ABL1: variants seen among roughly 807,000 people sequenced by gnomAD.
ABL1 encodes tyrosine-protein kinase ABL1.
In ABL1, 11 loss-of-function variants were observed where a neutral mutation model predicts 94.7. The observed-to-expected ratio is 0.12, with a 90% confidence interval of 0.07 to 0.19. The LOEUF (loss-of-function observed/expected upper bound fraction) is 0.19. Ranked by LOEUF, ABL1 falls within the 10% of genes least tolerant of loss-of-function variation. The pLI, the probability that ABL1 is intolerant of heterozygous loss-of-function variation, is 1.00. For missense variants in ABL1, 1,082 were observed against 1,489.4 expected (o/e 0.73, Z 4.50); for synonymous variants, 656 against 622.4 (o/e 1.05, Z -0.80).
intron 4 of ABL1, among the ~76,000 whole-genome samples, chr9:130,868,529 T>C (rs1282942326): frequency 5.1e-5 from 7 of 136,872 alleles, no homozygotes; most frequent in East Asian, 2.0e-4. Context: ...TCTTTTTTTT[T>C]TTTTTTTTTT....
chr9:130,868,812 C>T (rs1484715976), intron 4 of ABL1, among the ~76,000 whole-genome samples: 2 of 152,018 alleles, frequency 1.3e-5, no homozygotes, highest in Admixed American at 6.6e-5. Context: ...AAACAGTGTT[C>T]TTTTTCATGC....
At chr9:130,715,278 GT>G (rs1831423316) in intron 1 of ABL1, among the ~76,000 whole-genome samples, 1 of 152,184 alleles carries the variant, frequency 6.6e-6, no homozygotes, top group Non-Finnish European at 1.5e-5. Flanking sequence ...TAGGGTTACT[GT>G]TTGTACTGTT....
At position 130,872,403 on chromosome 9, in the gene ABL1, A is replaced by G. The variant is rs1385021768; in HGVS notation, c.907+190A>G. 2.6e-5 allele frequency among the ~76,000 whole-genome samples: 4 copies of G among 152,262 alleles called. No homozygotes were observed. The East Asian group carries it at 5.8e-4, about 22-fold the overall frequency. On this transcript the variant is annotated intron_variant, in intron 5 of 10. Transcript: ENST00000318560. The surrounding 1 kb of genome is among the most constrained non-coding windows in gnomAD (Gnocchi z 5.0). ...TGTGTGCGTGTGTGCACATATGCAC[A>G]TGTATGTATGAGAGGGAGAATGTGA...
At chr9:130,798,985 G>T (rs1009788368) in intron 1 of ABL1, among the ~76,000 whole-genome samples, 5 of 116,896 alleles carry the variant, frequency 4.3e-5, no homozygotes, top group South Asian at 2.6e-4. Context: ...AAAAAAAAAA[G>T]AATTGGAAGG....
At chr9:130,878,840 G>A (rs1325506626) in intron 8 of ABL1, among the ~76,000 whole-genome samples, 1 of 151,184 alleles carries the variant, frequency 6.6e-6, no homozygotes, top group African/African-American at 2.4e-5. Context: ...TGCTTTCACA[G>A]ACATTCTGCT....
intron 1 of ABL1, among the ~76,000 whole-genome samples, chr9:130,793,139 T>C (rs776313918): frequency 2.6e-5 from 4 of 152,176 alleles, no homozygotes; most frequent in Non-Finnish European, 5.9e-5. Flanking sequence ...TTGGCCAGAC[T>C]GGTCACGAAC....
chr9:130,887,147 C>G lies in ABL1; in HGVS notation c.*1464C>G, dbSNP rs1231384924. 1 of 233,276 alleles carries G rather than the reference C, an allele frequency of 4.3e-6. No homozygotes were observed. The highest frequency in any genetic ancestry group is 8.5e-6 in the Non-Finnish European group (1 of 118,040). 14.5% of individuals were successfully genotyped at this position (233,276 alleles called of 1,614,324 possible). A position where few individuals can be genotyped will look rare whatever the true frequency, so the allele number is the denominator to read the frequency against. The stretch of plus-strand genomic sequence containing the variant: ...GGTGGCCGCCCCTGAGGCTTCACGC[C>G]GGGAGAAGCCACCTTCCCACCCCTT... On this transcript the variant is annotated 3_prime_UTR_variant, in exon 11 of 11. Coordinates refer to ENST00000318560, the MANE Select transcript of ABL1 (RefSeq NM_005157.6).
Position 130,884,929 on chromosome 9 carries a change from A to G in ABL1, c.2639A>G (p.His880Arg). ...GAGTCCAGAGTGAGGAGGCACAAGC[A>G]CTCCTCTGAGTCGCCAGGGAGGGAC... ...AEESRVRRHK[H>R]SSESPGRDKG... is the part of the protein sequence containing the mutation. Residue 880 changes from histidine to arginine, a missense_variant, in exon 11 of 11, where the codon CAC (histidine) becomes CGC (arginine). By Grantham distance (29) the His-to-Arg change is conservative. Coordinates refer to ENST00000318560, the MANE Select transcript of ABL1 (RefSeq NM_005157.6). This position sits in a 1 kb window ranked among gnomAD's most constrained non-coding sequence, Gnocchi z 5.6. 1.2e-6 allele frequency: 2 copies of G among 1,611,408 alleles called. No homozygotes were observed. Among genetic ancestry groups the G allele is most frequent in the Non-Finnish European group, 1.7e-6 (2 of 1,179,560 alleles).
At chr9:130,761,192 C>T (rs772055219) in intron 1 of ABL1, among the ~76,000 whole-genome samples, 1 of 152,198 alleles carries the variant, frequency 6.6e-6, no homozygotes, top group South Asian at 2.1e-4. Flanking sequence ...TGGTCTCGAT[C>T]TCCTGACCTC....
At chr9:130,821,552 C>A (rs976112403) in intron 1 of ABL1, among the ~76,000 whole-genome samples, 2 of 151,946 alleles carry the variant, frequency 1.3e-5, no homozygotes, top group Non-Finnish European at 2.9e-5. Context: ...TGGATTGTTT[C>A]CAGTTTTGGT....
At position 130,751,129 on chromosome 9, in the gene ABL1, C is replaced by CTTTTTTTTTT. The variant is rs60206110; in HGVS notation, c.136+36695_136+36704dup. On this transcript the variant is annotated intron_variant, in intron 1 of 10. Transcript: ENST00000372348. The stretch of plus-strand genomic sequence containing the variant: ...TTTGAAACTTGTTTTTTTTATTCAG[C>CTTTTTTTTTT]TTTTTTTTTTTTTTTTTTTTTTTTT... Among the ~76,000 whole-genome samples, 93 of 57,486 alleles carry CTTTTTTTTTT rather than the reference C, an allele frequency of 1.6e-3. 20 individuals carry two copies. The highest frequency in any genetic ancestry group is 6.2e-3 in the East Asian group (9 of 1,452). 37.7% of individuals were successfully genotyped at this position (57,486 alleles called of 152,430 possible). A position where few individuals can be genotyped will look rare whatever the true frequency, so the allele number is the denominator to read the frequency against.
At chr9:130,842,561 T>C (rs1351204938) in intron 1 of ABL1, among the ~76,000 whole-genome samples, 2 of 152,194 alleles carry the variant, frequency 1.3e-5, no homozygotes, top group Non-Finnish European at 2.9e-5. Flanking sequence ...GAGGGTCATG[T>C]TCATTTACCC....
intron 1 of ABL1, among the ~76,000 whole-genome samples, chr9:130,762,682 C>T (rs1564283184): frequency 6.6e-6 from 1 of 152,072 alleles, no homozygotes; most frequent in Non-Finnish European, 1.5e-5. Context: ...GAGGCTGAGG[C>T]AGGTGGATCA....
At chr9:130,714,508 G>A in intron 1 of ABL1, 1 of 1,612,596 alleles carries the variant, frequency 6.2e-7, no homozygotes, top group Non-Finnish European at 8.5e-7. Flanking sequence ...ATTCATCTTA[G>A]GCCTTCAAGG....
intron 1 of ABL1, among the ~76,000 whole-genome samples, chr9:130,826,320 C>T (rs989099842): frequency 2.0e-5 from 3 of 151,920 alleles, no homozygotes; most frequent in Non-Finnish European, 4.4e-5. Context: ...GGGGTTTCGC[C>T]ATGTTGGCCA....
In ABL1 at chr9:130,884,587, G is replaced by C; in HGVS notation, c.2297G>C (p.Arg766Thr). 2 of 1,613,388 alleles carry C rather than the reference G, an allele frequency of 1.2e-6. No individual in the cohort carries two copies. The highest frequency in any genetic ancestry group is 1.7e-6 in the Non-Finnish European group (2 of 1,180,026). The change falls in exon 11 of 11, where the codon AGG becomes ACG. Residue 766 changes from arginine (R) to threonine (T), a missense_variant. By Grantham distance (71) the Arg-to-Thr change is moderately conservative (BLOSUM62 -1). Coordinates refer to ENST00000318560, the MANE Select transcript of ABL1 (RefSeq NM_005157.6). This position sits in a 1 kb window ranked among gnomAD's most constrained non-coding sequence, Gnocchi z 5.6. Reference protein sequence around the residue: ...KSEKPALPRKRAGENRSDQVT... With the variant: ...KSEKPALPRKTAGENRSDQVT... ...GAGAAGCCGGCTCTGCCTCGGAAGAGGGCAGGGGAGAACAGGTCTGACCAG... is the reference window on the plus strand; with the variant it reads ...GAGAAGCCGGCTCTGCCTCGGAAGACGGCAGGGGAGAACAGGTCTGACCAG...
Position 130,714,447 on chromosome 9 carries a change from T to C in ABL1, c.128T>C (p.Val43Ala), listed in dbSNP as rs368254620. 1.2e-6 allele frequency: 2 copies of C among 1,614,080 alleles called. No homozygotes were observed. Among genetic ancestry groups the C allele is most frequent in the Non-Finnish European group, 1.7e-6 (2 of 1,180,042 alleles). ...GGGGGTCCACACTGCAATGTTTTTG[T>C]GGAACATGGTGAGTGCTTTTCAAAA... is the stretch of plus-strand genomic sequence containing the variant. The change falls in exon 1 of 11, where the codon GTG becomes GCG. Residue 43 changes from valine (V) to alanine (A), a missense_variant. Transcript: ENST00000372348.
chr9:130,861,442 T>C (rs1209414908), intron 3 of ABL1, among the ~76,000 whole-genome samples: 1 of 152,248 alleles, frequency 6.6e-6, no homozygotes, highest in African/African-American at 2.4e-5. Context: ...CTTTGCTACC[T>C]TCTTTTAAAA....
chr9:130,771,764 T>C (rs368935783), intron 1 of ABL1, among the ~76,000 whole-genome samples: 12 of 68,950 alleles, frequency 1.7e-4, no homozygotes, highest in Non-Finnish European at 2.7e-4. Context: ...TTTTTTTTTT[T>C]TTTTTTTGAG....
Sources: gnomAD v4.1 joint callset for allele counts (sites outside exome capture counted in the v4.1 genomes callset) on GRCh38, gnomAD v4.1.1 for gene constraint, Gnocchi (gnomAD v3.1) non-coding constraint, MANE v1.5 for transcripts, NCBI Gene and HGNC (gene_info 2026-07-23, HGNC 2026-07-21) for gene names.